Variants in PHKB observed in about 807,000 individuals in gnomAD.
PHKB encodes the protein phosphorylase kinase regulatory subunit beta.
In PHKB, 122 loss-of-function variants were observed where a neutral mutation model predicts 152.1. That is an observed-to-expected ratio of 0.80 (90% CI 0.69 to 0.93). The LOEUF is 0.93. Ranked by LOEUF, PHKB falls within the 40% of genes least tolerant of loss-of-function variation. The pLI, the probability that PHKB is intolerant of heterozygous loss-of-function variation, is 0.00. For synonymous variants in PHKB, 436 were observed against 464.9 expected (o/e 0.94, Z 0.80); for missense variants, 1,304 against 1,328.4 (o/e 0.98, Z 0.29).
intron 7 of PHKB, among the ~76,000 whole-genome samples, chr16:47,569,503 A>G (rs955374157): frequency 2.6e-5 from 4 of 152,232 alleles, no homozygotes; most frequent in Non-Finnish European, 5.9e-5. Flanking sequence ...CACCATTTAC[A>G]TTCGAAAATA....
At chr16:47,637,232 C>T (rs1972937463) in intron 14 of PHKB, among the ~76,000 whole-genome samples, 2 of 152,216 alleles carry the variant, frequency 1.3e-5, no homozygotes, top group South Asian at 2.1e-4. Flanking sequence ...AATAAAGCTC[C>T]TCTCCGCCTT....
intron 13 of PHKB, among the ~76,000 whole-genome samples, chr16:47,606,234 G>T (rs1489538753): frequency 6.6e-6 from 1 of 152,074 alleles, no homozygotes; most frequent in Admixed American, 6.6e-5. Context: ...AAATAACAAT[G>T]CAGATGTGCC....
chr16:47,667,802 G>A (rs1381711758), intron 25 of PHKB, among the ~76,000 whole-genome samples: 1 of 151,736 alleles, frequency 6.6e-6, no homozygotes, highest in Non-Finnish European at 1.5e-5. Context: ...GAGAAAGGGT[G>A]GGTTAGGGTT....
intron 14 of PHKB, among the ~76,000 whole-genome samples, chr16:47,616,462 A>G (rs1013383226): frequency 3.4e-5 from 5 of 146,600 alleles, no homozygotes; most frequent in African/African-American, 9.9e-5. Context: ...TAAAATATAT[A>G]TGATATATAA....
In PHKB at chr16:47,593,575, T is replaced by A; in HGVS notation, c.1126+18T>A. ...GATTGATGGTAAGTAAGCTTTTTCC[T>A]GAAATTTAAGCAAGCTTTTTCCTGA... is the stretch of plus-strand genomic sequence containing the variant. On this transcript the variant is annotated intron_variant, in intron 11 of 30. Transcript: ENST00000323584. The A allele has an allele frequency of 7.1e-7, 1 of 1,399,248 alleles. No individual in the cohort carries two copies. The allele number at this position is 1,399,248 out of a possible 1,614,324, so 86.7% of individuals were successfully genotyped here.
intron 7 of PHKB, among the ~76,000 whole-genome samples, chr16:47,569,523 T>G (rs1971622916): frequency 6.6e-6 from 1 of 152,236 alleles, no homozygotes; most frequent in Non-Finnish European, 1.5e-5. Flanking sequence ...AGTATTGATA[T>G]GGAGCTACTC....
At chr16:47,552,800 AACACACACACAC>A (rs61186489) in intron 7 of PHKB, among the ~76,000 whole-genome samples, 3 of 143,590 alleles carry the variant, frequency 2.1e-5, no homozygotes, top group Non-Finnish European at 3.1e-5. Context: ...CCCCATCTCA[AACACACACACAC>A]ACACACACAC....
chr16:47,587,313 G>A (rs1971951261), intron 8 of PHKB, among the ~76,000 whole-genome samples: 1 of 152,078 alleles, frequency 6.6e-6, no homozygotes. Flanking sequence ...GTACAACTCG[G>A]ATTTTATGAA....
chr16:47,513,104 T>A (rs1298653446), intron 5 of PHKB, among the ~76,000 whole-genome samples: 1 of 152,206 alleles, frequency 6.6e-6, no homozygotes, highest in East Asian at 1.9e-4. Context: ...AGATAATAGC[T>A]TATTTATCTT....
At chr16:47,464,909 A>T (rs532379124) in intron 1 of PHKB, among the ~76,000 whole-genome samples, 1 of 152,358 alleles carries the variant, frequency 6.6e-6, no homozygotes, top group African/African-American at 2.4e-5. Flanking sequence ...ACTCATGAAC[A>T]GGCAAATGTG....
intron 14 of PHKB, among the ~76,000 whole-genome samples, chr16:47,623,388 G>A (rs1388458207): frequency 2.0e-5 from 3 of 151,478 alleles, no homozygotes; most frequent in Non-Finnish European, 4.4e-5. Flanking sequence ...GAAATTGAAT[G>A]TTTAGCATTT....
chr16:47,535,628 G>A (rs531811577), intron 6 of PHKB, among the ~76,000 whole-genome samples: 10 of 152,120 alleles, frequency 6.6e-5, no homozygotes, highest in South Asian at 2.1e-4. Context: ...TATAAGTCCC[G>A]CTCTATCTCT....
intron 16 of PHKB, among the ~76,000 whole-genome samples, chr16:47,643,260 C>T (rs548743842): frequency 6.6e-6 from 1 of 152,264 alleles, no homozygotes; most frequent in South Asian, 2.1e-4. Flanking sequence ...GTGTAGGACA[C>T]TCATATGAAA....
At chr16:47,658,809 A>AGTGTGTGTGTGTGTGT (rs36066227) in intron 20 of PHKB, among the ~76,000 whole-genome samples, 13 of 140,744 alleles carry the variant, frequency 9.2e-5, no homozygotes, top group African/African-American at 2.6e-4. Flanking sequence ...AATGCATGAC[A>AGTGTGTGTGTGTGTGT]GTGTGTGTGT....
intron 1 of PHKB, among the ~76,000 whole-genome samples, chr16:47,497,154 T>C (rs1238658516): frequency 2.0e-5 from 3 of 152,142 alleles, no homozygotes; most frequent in Non-Finnish European, 4.4e-5. Flanking sequence ...GTTAGTTGGA[T>C]TGAGTGCTGG....
chr16:47,482,216 G>A (rs1229456310), intron 1 of PHKB, among the ~76,000 whole-genome samples: 2 of 152,204 alleles, frequency 1.3e-5, no homozygotes, highest in Admixed American at 6.5e-5. Flanking sequence ...GGGGTTGTAC[G>A]TAAGTATAGT....
chr16:47,599,705 G>A (rs1035323028), intron 13 of PHKB, among the ~76,000 whole-genome samples: 13 of 152,156 alleles, frequency 8.5e-5, no homozygotes, highest in Admixed American at 8.5e-4. Context: ...CTTCTGAAAA[G>A]GCAGTGAGAA....
chr16:47,695,574 GTAGA>G (rs1488149426), intron 28 of PHKB, among the ~76,000 whole-genome samples: 5 of 152,196 alleles, frequency 3.3e-5, no homozygotes, highest in Non-Finnish European at 7.3e-5. Flanking sequence ...TGAGTGGTAA[GTAGA>G]TAGACATGGT....
intron 25 of PHKB, 123 bp from the exon 26 acceptor site, chr16:47,669,092 A>G (rs1323369705): frequency 2.8e-6 from 2 of 711,208 alleles, no homozygotes; most frequent in Admixed American, 2.2e-5. Context: ...CAGTTATTCT[A>G]CCTAATTCCC....
Sources: allele counts gnomAD v4.1 joint callset (sites outside exome capture counted in the v4.1 genomes callset), GRCh38; gene constraint gnomAD v4.1.1; transcripts MANE v1.5; gene names NCBI Gene and HGNC (gene_info 2026-07-23, HGNC 2026-07-21).